The following TMEM163 variants were observed in gnomAD, a reference collection of about 807,000 sequenced individuals.
The protein encoded by TMEM163 is transmembrane protein 163.
Under a neutral mutation model 29.3 loss-of-function variants are expected in TMEM163, and 17 were observed. That is an observed-to-expected ratio of 0.58 (90% CI 0.40 to 0.87). The LOEUF is 0.87. Among genes scored for constraint, TMEM163 ranks in the 40% least tolerant of loss-of-function variants. The pLI, the probability that TMEM163 is intolerant of heterozygous loss-of-function variation, is 0.00. For synonymous variants in TMEM163, 157 were observed against 160.6 expected, an observed-to-expected ratio of 0.98 and a Z score of 0.17; for missense variants, 303 against 381.5, an observed-to-expected ratio of 0.79 and a Z score of 1.71.
chr2:134,696,588 T>C (rs537105898), intron 2 of TMEM163, among the ~76,000 whole-genome samples: 17 of 152,332 alleles, frequency 1.1e-4, no homozygotes, highest in African/African-American at 3.8e-4. Flanking sequence ...TATAATTTTC[T>C]TCATGAAGGA....
chr2:134,507,737 G>T (rs1042075371), intron 4 of TMEM163, among the ~76,000 whole-genome samples: 5 of 152,024 alleles, frequency 3.3e-5, no homozygotes, highest in African/African-American at 1.2e-4. Context: ...TGTGCCTGTA[G>T]TCCCAGCTAT....
intron 2 of TMEM163, among the ~76,000 whole-genome samples, chr2:134,671,190 C>T (rs1683988853): frequency 2.0e-5 from 3 of 152,282 alleles, no homozygotes; most frequent in Admixed American, 1.3e-4. Context: ...GCACCTGGCC[C>T]GTAGTTCTCA....
chr2:134,470,384 A>T (rs990393881), intron 5 of TMEM163, among the ~76,000 whole-genome samples: 2 of 150,694 alleles, frequency 1.3e-5, no homozygotes, highest in Non-Finnish European at 3.0e-5. Context: ...CTTCATACGG[A>T]TGTGTCATGG....
chr2:134,618,531 T>C (rs911134513), intron 2 of TMEM163, among the ~76,000 whole-genome samples: 1 of 152,094 alleles, frequency 6.6e-6, no homozygotes, highest in Non-Finnish European at 1.5e-5. Context: ...TTGAATAACA[T>C]TATCAACAAT....
intron 6 of TMEM163, chr2:134,458,831 A>T (rs1199202568): frequency 6.6e-6 from 1 of 152,260 alleles, no homozygotes; most frequent in Non-Finnish European, 1.5e-5. Context: ...AAAGTCTATT[A>T]TGCTAAGTTT....
chr2:134,584,418 C>T (rs2104796855), intron 2 of TMEM163, among the ~76,000 whole-genome samples: 1 of 152,274 alleles, frequency 6.6e-6, no homozygotes, highest in African/African-American at 2.4e-5. Flanking sequence ...AGGCAGAGGT[C>T]ATGGAATGAA....
At chr2:134,580,770 G>A (rs573812416) in intron 2 of TMEM163, among the ~76,000 whole-genome samples, 13 of 152,220 alleles carry the variant, frequency 8.5e-5, no homozygotes, top group Admixed American at 2.0e-4. Context: ...AAAATTAGCC[G>A]AGAGTGATGG....
chr2:134,459,518 C>T (rs995090798), intron 6 of TMEM163, among the ~76,000 whole-genome samples: 2 of 152,142 alleles, frequency 1.3e-5, no homozygotes, highest in Middle Eastern at 3.2e-3. Flanking sequence ...GATTAACCCA[C>T]CTTCCCATCC....
intron 4 of TMEM163, among the ~76,000 whole-genome samples, chr2:134,507,481 A>G (rs547094608): frequency 6.6e-6 from 1 of 152,186 alleles, no homozygotes; most frequent in Non-Finnish European, 1.5e-5. Flanking sequence ...TCCACCCCAG[A>G]CCTACTGAAT....
chr2:134,701,426 T>C (rs986891728), intron 2 of TMEM163, among the ~76,000 whole-genome samples: 1 of 150,372 alleles, frequency 6.7e-6, no homozygotes, highest in African/African-American at 2.5e-5. Context: ...AATAGGGAGG[T>C]TTGTTCAAAG....
chr2:134,693,735 T>A (rs1684523893), intron 2 of TMEM163, among the ~76,000 whole-genome samples: 1 of 152,092 alleles, frequency 6.6e-6, no homozygotes, highest in South Asian at 2.1e-4. Context: ...ATAGCAGGTC[T>A]ACTATATTCT....
At chr2:134,703,764 GA>G (rs1339433935) in intron 2 of TMEM163, among the ~76,000 whole-genome samples, 4 of 151,270 alleles carry the variant, frequency 2.6e-5, no homozygotes, top group African/African-American at 9.7e-5. Context: ...GGGAGAGAAT[GA>G]GGGGGAAATA....
chr2:134,582,489 C>T (rs1020838983), intron 2 of TMEM163, among the ~76,000 whole-genome samples: 1 of 152,212 alleles, frequency 6.6e-6, no homozygotes, highest in Non-Finnish European at 1.5e-5. Flanking sequence ...CCCCATATCT[C>T]ATTTGCTGGC....
chr2:134,528,068 C>G (rs1313767573), intron 4 of TMEM163, among the ~76,000 whole-genome samples: 1 of 152,094 alleles, frequency 6.6e-6, no homozygotes, highest in Non-Finnish European at 1.5e-5. Flanking sequence ...CAAGACAGAA[C>G]GAAAAAGAAA....
chr2:134,553,779 A>C (rs1331078958), intron 2 of TMEM163, among the ~76,000 whole-genome samples: 2 of 152,194 alleles, frequency 1.3e-5, no homozygotes, highest in Non-Finnish European at 2.9e-5. Context: ...TTCATGGGAC[A>C]CACAGGTATG....
intron 2 of TMEM163, among the ~76,000 whole-genome samples, chr2:134,633,995 ATATATATATATATATATATATAT>A (rs1558971798): frequency 0.042 from 1,845 of 44,166 alleles, 93 homozygotes; most frequent in East Asian, 0.087. Flanking sequence ...ATATATATAT[ATATATATATATATATATATATAT>A]ATAATAGGAC....
intron 2 of TMEM163, among the ~76,000 whole-genome samples, chr2:134,578,506 A>G (rs1681614064): frequency 6.6e-6 from 1 of 152,236 alleles, no homozygotes; most frequent in Admixed American, 6.5e-5. Flanking sequence ...CATCGTGGTT[A>G]GCGTCTGTAT....
At chr2:134,583,833 C>T (rs1258972499) in intron 2 of TMEM163, among the ~76,000 whole-genome samples, 2 of 152,160 alleles carry the variant, frequency 1.3e-5, no homozygotes, top group Non-Finnish European at 2.9e-5. Flanking sequence ...CAATCCCTCC[C>T]ATCTTTGTAG....
rs111806881 is a variant in TMEM163, at chr2:134,657,510, T to C, written c.322+55690A>G. The stretch of plus-strand genomic sequence containing the variant: ...CATTGAGTACTTATGAACATAAAGA[T>C]GGGAACAACAGGCTGGGCATGGTGG... On this transcript the variant is annotated intron_variant, in intron 2 of 7. Coordinates refer to ENST00000281924, the MANE Select transcript of TMEM163 (RefSeq NM_030923.5). 5.1e-3 allele frequency among the ~76,000 whole-genome samples: 777 copies of C among 152,066 alleles called. 8 individuals carry two copies. Among genetic ancestry groups the C allele is most frequent in the African/African-American group, 0.018 (735 of 41,398 alleles).
Sources: gnomAD v4.1 joint callset for allele counts (sites outside exome capture counted in the v4.1 genomes callset) on GRCh38, gnomAD v4.1.1 for gene constraint, MANE v1.5 for transcripts, NCBI Gene and HGNC (gene_info 2026-07-23, HGNC 2026-07-21) for gene names.